HADHA: variants seen among roughly 807,000 people sequenced by gnomAD.
HADHA encodes the protein trifunctional enzyme subunit alpha, mitochondrial.
HADHA carries 59 observed loss-of-function variants against 91.3 expected under a neutral mutation model. The ratio of observed to expected loss-of-function variants is 0.65; its 90% confidence interval spans 0.52 to 0.80. The LOEUF is 0.80. HADHA is among the 30% of genes least tolerant of loss of function. The pLI is 0.00. For synonymous variants in HADHA, 320 were observed against 338.9 expected (o/e 0.94, Z 0.61); for missense variants, 800 against 927.6 (o/e 0.86, Z 1.79).
intron 7 of HADHA, among the ~76,000 whole-genome samples, chr2:26,219,287 A>G (rs1269648033): frequency 6.6e-6 from 1 of 151,794 alleles, no homozygotes; most frequent in Non-Finnish European, 1.5e-5. Flanking sequence ...CCACCAGGCC[A>G]GGCTAATTTT....
chr2:26,197,803 G>A, intron 13 of HADHA, 26 bp from the exon 14 acceptor site: 1 of 1,117,448 alleles, frequency 8.9e-7, no homozygotes, highest in African/African-American at 1.5e-5. Flanking sequence ...ATTTAACAAT[G>A]TGTCAGGTAG....
intron 9 of HADHA, among the ~76,000 whole-genome samples, chr2:26,213,680 TCC>T (rs1670154459): frequency 6.6e-6 from 1 of 152,188 alleles, no homozygotes; most frequent in African/African-American, 2.4e-5. Context: ...GCCTCCTCTG[TCC>T]CACTCATCTG....
intron 14 of HADHA, among the ~76,000 whole-genome samples, chr2:26,196,705 T>G (rs1462617994): frequency 6.6e-6 from 1 of 152,174 alleles, no homozygotes; most frequent in Non-Finnish European, 1.5e-5. Context: ...TCCTAGATAC[T>G]TGGAGGGCAG....
chr2:26,234,039 C>T (rs748186177), intron 5 of HADHA, among the ~76,000 whole-genome samples, 178 bp downstream of exon 5: 3 of 152,280 alleles, frequency 2.0e-5, no homozygotes, highest in Middle Eastern at 3.4e-3. Flanking sequence ...CAAGATCGTG[C>T]CATTGCTCTC....
At chr2:26,216,751 G>A (rs1374050843) in intron 7 of HADHA, among the ~76,000 whole-genome samples, 3 of 152,130 alleles carry the variant, frequency 2.0e-5, no homozygotes, top group East Asian at 1.9e-4. Flanking sequence ...CAGGGCAGCT[G>A]GAATCTGTGA....
intron 4 of HADHA, among the ~76,000 whole-genome samples, chr2:26,236,378 CTCTGTGTGTGTGTGTG>C (rs1228147014): frequency 1.4e-3 from 58 of 41,418 alleles, no homozygotes; most frequent in African/African-American, 3.1e-3. Context: ...TATATATATA[CTCTGTGTGTGTGTGTG>C]TGTGTGTGTG....
chr2:26,240,398 T>C (rs1670862509), intron 1 of HADHA, among the ~76,000 whole-genome samples: 1 of 152,158 alleles, frequency 6.6e-6, no homozygotes, highest in African/African-American at 2.4e-5. Context: ...AATCAGTTCC[T>C]ACTCAGTGAA....
chr2:26,223,305 G>A (rs1315134796), intron 7 of HADHA, among the ~76,000 whole-genome samples: 1 of 152,188 alleles, frequency 6.6e-6, no homozygotes, highest in Non-Finnish European at 1.5e-5. Flanking sequence ...GTAAGGAAGA[G>A]TATGTCTCAA....
At chr2:26,205,748 G>T (rs13033583) in intron 11 of HADHA, among the ~76,000 whole-genome samples, 3 of 152,066 alleles carry the variant, frequency 2.0e-5, no homozygotes, top group African/African-American at 7.3e-5. Flanking sequence ...AGGTTGCAGT[G>T]AGCTGATTGT....
Position 26,195,173 on chromosome 2 carries a change from C to A in HADHA, c.1539G>T (p.Thr513=), listed in dbSNP as rs755287314. 1 of 1,612,028 alleles carries A rather than the reference C, an allele frequency of 6.2e-7. No homozygotes were observed. The highest frequency in any genetic ancestry group is 8.5e-7 in the Non-Finnish European group (1 of 1,178,290). ...TGGTGTCTTTGGAAGTTTTCTCGGT[C>A]GTGATAATCTCCAGCAGCTGCATCT... ...VDKMQLLEII[T]TEKTSKDTSA... The change falls in exon 15 of 20, where the codon ACG becomes ACT. Residue 513 remains threonine (T), a synonymous_variant. Coordinates refer to ENST00000380649, the MANE Select transcript of HADHA (RefSeq NM_000182.5).
intron 18 of HADHA, 100 bp from the exon 19 acceptor site, chr2:26,191,728 C>T: frequency 8.3e-7 from 1 of 1,208,984 alleles, no homozygotes; most frequent in Non-Finnish European, 1.2e-6. Flanking sequence ...GCATGGGGAG[C>T]TCTGTGGGCC....
At chr2:26,203,783 T>TA (rs1459891207) in intron 12 of HADHA, among the ~76,000 whole-genome samples, 2 of 152,224 alleles carry the variant, frequency 1.3e-5, no homozygotes, top group African/African-American at 4.8e-5. Context: ...ATCTACTAGA[T>TA]AAGATTTTCC....
intron 12 of HADHA, among the ~76,000 whole-genome samples, chr2:26,202,272 A>AT (rs1558318851): frequency 6.6e-6 from 1 of 152,160 alleles, no homozygotes; most frequent in South Asian, 2.1e-4. Flanking sequence ...CATTCAACTG[A>AT]TTATTTTTCG....
At chr2:26,191,918 T>C (rs1170774180) in intron 18 of HADHA, among the ~76,000 whole-genome samples, 1 of 152,126 alleles carries the variant, frequency 6.6e-6, no homozygotes, top group East Asian at 1.9e-4. Context: ...CAAATGATAA[T>C]AAAGATCTGG....
intron 7 of HADHA, among the ~76,000 whole-genome samples, chr2:26,223,421 A>T (rs961813452): frequency 6.6e-6 from 1 of 152,190 alleles, no homozygotes; most frequent in African/African-American, 2.4e-5. Context: ...CCTAGAAGAC[A>T]TTTTAGGAAT....
intron 7 of HADHA, among the ~76,000 whole-genome samples, chr2:26,222,462 G>C (rs1670396193): frequency 6.6e-6 from 1 of 152,196 alleles, no homozygotes; most frequent in African/African-American, 2.4e-5. Context: ...CCCATTAAAT[G>C]CTCATCAAAG....
intron 10 of HADHA, chr2:26,212,297 T>TGTTATGA: frequency 2.3e-6 from 1 of 438,114 alleles, no homozygotes. Flanking sequence ...ATGTTGCACA[T>TGTTATGA]GCTGGTCTTG....
chr2:26,215,814 G>A (rs1386647891), intron 7 of HADHA, among the ~76,000 whole-genome samples: 1 of 152,224 alleles, frequency 6.6e-6, no homozygotes, highest in African/African-American at 2.4e-5. Flanking sequence ...TACACAAGGA[G>A]GAAGGGGCTA....
chr2:26,244,395 G>A, intron 1 of HADHA, 135 bp downstream of exon 1: 1 of 871,402 alleles, frequency 1.1e-6, no homozygotes, highest in Non-Finnish European at 1.9e-6. Flanking sequence ...CCGGGTCCCA[G>A]GGCAGTATCC....
Sources: allele counts gnomAD v4.1 joint callset (sites outside exome capture counted in the v4.1 genomes callset), GRCh38; gene constraint gnomAD v4.1.1; transcripts MANE v1.5; gene names NCBI Gene and HGNC (gene_info 2026-07-23, HGNC 2026-07-21).